GRID1: variants seen among roughly 807,000 people sequenced by gnomAD.
The protein encoded by GRID1 is glutamate ionotropic receptor delta type subunit 1.
In GRID1, 28 loss-of-function variants were observed where a neutral mutation model predicts 98.0. The ratio of observed to expected loss-of-function variants is 0.29; its 90% CI spans 0.21 to 0.39. The LOEUF is 0.39. Ranked by LOEUF, GRID1 falls within the 10% of genes least tolerant of loss-of-function variation. The pLI is 1.00. For missense variants in GRID1, 1,111 were observed against 1,340.5 expected, an observed-to-expected ratio of 0.83 and a Z score of 2.67; for synonymous variants, 553 against 538.5, an observed-to-expected ratio of 1.03 and a Z score of -0.37.
chr10:86,236,624 T>C (rs1024668806), intron 2 of GRID1, among the ~76,000 whole-genome samples: 3 of 152,174 alleles, frequency 2.0e-5, no homozygotes, highest in African/African-American at 7.2e-5. Flanking sequence ...ACATCATCAA[T>C]GACACTAGCT....
chr10:85,797,193 A>T (rs1044618444), intron 8 of GRID1, among the ~76,000 whole-genome samples: 3 of 152,138 alleles, frequency 2.0e-5, no homozygotes, highest in Non-Finnish European at 4.4e-5. Context: ...AAAAACCTCA[A>T]AACACTGGAT....
intron 5 of GRID1, among the ~76,000 whole-genome samples, chr10:85,881,970 A>G (rs917242267): frequency 1.3e-5 from 2 of 152,228 alleles, no homozygotes; most frequent in African/African-American, 4.8e-5. Context: ...AAAGGATATG[A>G]ACAGACACTT....
chr10:85,905,705 A>G (rs542413584), intron 5 of GRID1, among the ~76,000 whole-genome samples: 3 of 152,244 alleles, frequency 2.0e-5, no homozygotes, highest in African/African-American at 7.2e-5. Flanking sequence ...ATGGTGGTGA[A>G]TTAAAGATGT....
At chr10:85,876,376 C>A (rs1477770712) in intron 5 of GRID1, among the ~76,000 whole-genome samples, 1 of 152,022 alleles carries the variant, frequency 6.6e-6, no homozygotes, top group Non-Finnish European at 1.5e-5. Context: ...GGTTGCATCA[C>A]CTCTTCTTCT....
chr10:86,030,186 A>T (rs1248067812), intron 4 of GRID1, among the ~76,000 whole-genome samples: 3 of 152,268 alleles, frequency 2.0e-5, no homozygotes, highest in Admixed American at 2.0e-4. Flanking sequence ...AAAGAAGGTT[A>T]TAAAGGAAAG....
At chr10:86,361,580 A>G (rs904391540) in intron 2 of GRID1, among the ~76,000 whole-genome samples, 4 of 152,212 alleles carry the variant, frequency 2.6e-5, no homozygotes, top group African/African-American at 9.6e-5. Context: ...AAGACCCAGA[A>G]AAGGCCCCTG....
At chr10:86,292,849 AGT>A (rs1426217549) in intron 2 of GRID1, among the ~76,000 whole-genome samples, 2 of 151,098 alleles carry the variant, frequency 1.3e-5, no homozygotes, top group East Asian at 3.9e-4. Flanking sequence ...TATATGTATG[AGT>A]GTGTGAGTGT....
At chr10:85,867,472 T>G (rs1843232883) in intron 6 of GRID1, among the ~76,000 whole-genome samples, 1 of 151,978 alleles carries the variant, frequency 6.6e-6, no homozygotes, top group African/African-American at 2.4e-5. Flanking sequence ...CCCGCTGCAC[T>G]GGGTGGGAAT....
In GRID1 at chr10:85,825,660, A is replaced by T. The variant is rs542770729; in HGVS notation, c.1233+28836T>A. 1.1e-4 allele frequency among the ~76,000 whole-genome samples: 17 copies of T among 152,352 alleles called. 1 individual carries two copies. The highest frequency in any genetic ancestry group is 3.8e-4 in the African/African-American group (16 of 41,584). On this transcript the variant is annotated intron_variant, in intron 8 of 15. Transcript: ENST00000327946. ...TAATCTCTAGGGAATTCACTAAAGG[A>T]ATAGCAAAAGGTAACAAGTTAATAC...
intron 13 of GRID1, among the ~76,000 whole-genome samples, chr10:85,621,838 C>T (rs542855530): frequency 1.3e-5 from 2 of 152,276 alleles, no homozygotes; most frequent in South Asian, 2.1e-4. Flanking sequence ...CATTTTCAAC[C>T]TCTTAGTAAC....
chr10:86,051,282 T>C (rs900748083), intron 4 of GRID1, among the ~76,000 whole-genome samples: 1 of 125,622 alleles, frequency 8.0e-6, no homozygotes, highest in Non-Finnish European at 1.7e-5. Flanking sequence ...AAACTTCCAA[T>C]AAACGGGATT....
At chr10:85,670,608 C>T (rs931412199) in intron 12 of GRID1, among the ~76,000 whole-genome samples, 4 of 152,112 alleles carry the variant, frequency 2.6e-5, no homozygotes, top group African/African-American at 7.2e-5. Context: ...GAAGAAACTG[C>T]GAGTTGCTTG....
intron 5 of GRID1, among the ~76,000 whole-genome samples, chr10:85,903,830 C>T (rs888627918): frequency 2.6e-5 from 4 of 152,218 alleles, no homozygotes; most frequent in Non-Finnish European, 5.9e-5. Context: ...AACTGGAATG[C>T]TCTTCCTCCA....
chr10:85,833,407 G>C (rs912381806), intron 8 of GRID1, among the ~76,000 whole-genome samples: 1 of 151,632 alleles, frequency 6.6e-6, no homozygotes, highest in African/African-American at 2.4e-5. Context: ...AAACTAAGTA[G>C]ACCAAAATAG....
intron 2 of GRID1, among the ~76,000 whole-genome samples, chr10:86,243,044 C>T (rs1846663927): frequency 6.6e-6 from 1 of 152,128 alleles, no homozygotes; most frequent in Non-Finnish European, 1.5e-5. Flanking sequence ...TATAATAATG[C>T]CCACTTCCCA....
intron 8 of GRID1, among the ~76,000 whole-genome samples, chr10:85,823,052 G>C (rs907238705): frequency 3.9e-5 from 6 of 152,228 alleles, no homozygotes; most frequent in East Asian, 1.9e-4. Context: ...TTGCGGGGAG[G>C]GGGTAGGGAT....
chr10:85,983,709 A>G (rs1326094918), intron 4 of GRID1, among the ~76,000 whole-genome samples: 1 of 152,048 alleles, frequency 6.6e-6, no homozygotes, highest in Admixed American at 6.5e-5. Flanking sequence ...GGTGAGTAGG[A>G]ACTGGCCAGG....
chr10:85,827,280 A>G (rs1281390813), intron 8 of GRID1, among the ~76,000 whole-genome samples: 2 of 152,190 alleles, frequency 1.3e-5, no homozygotes, highest in African/African-American at 4.8e-5. Flanking sequence ...TTGAAGAAGA[A>G]CCAAATTCAT....
At chr10:85,760,061 G>C (rs555843267) in intron 8 of GRID1, among the ~76,000 whole-genome samples, 1 of 152,158 alleles carries the variant, frequency 6.6e-6, no homozygotes, top group Non-Finnish European at 1.5e-5. Context: ...GGTAACAGTT[G>C]TGTTATTATG....
Sources: gnomAD v4.1 joint callset for allele counts (sites outside exome capture counted in the v4.1 genomes callset) on GRCh38, gnomAD v4.1.1 for gene constraint, MANE v1.5 for transcripts, NCBI Gene and HGNC (gene_info 2026-07-23, HGNC 2026-07-21) for gene names.